Variants in DCAKD observed in about 807,000 individuals in gnomAD.
DCAKD encodes dephospho-CoA kinase domain containing.
DCAKD carries 15 observed loss-of-function variants against 18.7 expected under a neutral mutation model. The ratio of observed to expected loss-of-function variants is 0.80; its 90% CI spans 0.54 to 1.24. DCAKD has a LOEUF of 1.24. DCAKD is among the 50% of genes most tolerant of loss of function. The pLI is 0.00. For synonymous variants in DCAKD, 130 were observed against 133.0 expected (o/e 0.98, Z 0.16); for missense variants, 301 against 322.0 (o/e 0.93, Z 0.50).
At chr17:45,027,517 C>T (rs903935722) in intron 4 of DCAKD, among the ~76,000 whole-genome samples, 1 of 152,240 alleles carries the variant, frequency 6.6e-6, no homozygotes, top group Non-Finnish European at 1.5e-5. Flanking sequence ...AAGAGTTATA[C>T]ACCCACACCC....
At chr17:45,025,221 C>T (rs1393552396) in intron 4 of DCAKD, among the ~76,000 whole-genome samples, 1 of 152,044 alleles carries the variant, frequency 6.6e-6, no homozygotes, top group Non-Finnish European at 1.5e-5. Flanking sequence ...TCAAAAATAC[C>T]TCCTTGGGCC....
intron 3 of DCAKD, 165 bp downstream of exon 3, chr17:45,034,022 C>T (rs2053229615): frequency 6.3e-7 from 1 of 1,596,120 alleles, no homozygotes; most frequent in Non-Finnish European, 8.5e-7. Flanking sequence ...TGCTTCTTTC[C>T]TCTGGGGCTG....
intron 1 of DCAKD, among the ~76,000 whole-genome samples, chr17:45,039,732 C>T (rs568149927): frequency 1.3e-5 from 2 of 152,324 alleles, no homozygotes; most frequent in South Asian, 4.1e-4. Flanking sequence ...GTGCCAAGAA[C>T]GGTGCAGCTC....
chr17:45,059,806 T>C (rs1260214773), intron 1 of DCAKD, among the ~76,000 whole-genome samples: 1 of 152,150 alleles, frequency 6.6e-6, no homozygotes, highest in Non-Finnish European at 1.5e-5. Context: ...TTTTTTCATC[T>C]GTCAAAAAGG....
chr17:45,035,006 G>T lies in DCAKD; in HGVS notation c.-114-7C>A. ...AGAGGAGTGCCAGAAGGACCTGCTTGGGAGAGGCCAGCGGGACTGATCAGT... is the reference window on the plus strand; with the variant it reads ...AGAGGAGTGCCAGAAGGACCTGCTTTGGAGAGGCCAGCGGGACTGATCAGT... On this transcript the variant is annotated splice_region_variant and splice_polypyrimidine_tract_variant and intron_variant, in intron 1 of 4. Coordinates refer to ENST00000651974, the MANE Select transcript of DCAKD (RefSeq NM_001288655.2). 1.0e-6 allele frequency: 1 copy of T among 992,460 alleles called. No individual in the cohort carries two copies. Among genetic ancestry groups the T allele is most frequent in the South Asian group, 1.5e-5 (1 of 67,416 alleles). The allele number at this position is 992,460 out of a possible 1,614,324, so 61.5% of individuals were successfully genotyped here. A position where few individuals can be genotyped will look rare whatever the true frequency, so the allele number is the denominator to read the frequency against.
At chr17:45,044,571 A>C (rs2053519674) in intron 1 of DCAKD, among the ~76,000 whole-genome samples, 1 of 152,164 alleles carries the variant, frequency 6.6e-6, no homozygotes, top group African/African-American at 2.4e-5. Flanking sequence ...ACGTGCCTGT[A>C]GTCCCAGCTA....
At chr17:45,057,714 A>C (rs1423542464) in intron 1 of DCAKD, among the ~76,000 whole-genome samples, 6 of 150,472 alleles carry the variant, frequency 4.0e-5, no homozygotes, top group African/African-American at 7.3e-5. Flanking sequence ...AAAAAAAAAA[A>C]AAAACAGTAA....
chr17:45,028,714 T>C (rs1388062268), intron 4 of DCAKD, among the ~76,000 whole-genome samples: 4 of 125,894 alleles, frequency 3.2e-5, no homozygotes, highest in African/African-American at 9.2e-5. Flanking sequence ...CCAGCCTTTT[T>C]TTTGAGATGG....
chr17:45,055,179 C>T (rs987978830), upstream of DCAKD, among the ~76,000 whole-genome samples: 2 of 152,136 alleles, frequency 1.3e-5, no homozygotes, highest in African/African-American at 4.8e-5. Context: ...TTTGAGCTGG[C>T]TGTAGCTACT....
chr17:45,043,444 C>T (rs529116812), intron 1 of DCAKD, among the ~76,000 whole-genome samples: 1 of 152,280 alleles, frequency 6.6e-6, no homozygotes, highest in Admixed American at 6.5e-5. Context: ...CACTTGAACC[C>T]TGCAGGCTGG....
intron 1 of DCAKD, among the ~76,000 whole-genome samples, chr17:45,041,451 C>T (rs906257038): frequency 6.6e-6 from 1 of 152,094 alleles, no homozygotes; most frequent in African/African-American, 2.4e-5. Flanking sequence ...GCTGAGGCTA[C>T]AGGCGCCTGC....
chr17:45,028,148 G>A (rs1269087080), intron 4 of DCAKD, among the ~76,000 whole-genome samples: 2 of 146,078 alleles, frequency 1.4e-5, no homozygotes, highest in African/African-American at 5.1e-5. Context: ...TCGCTCTGTC[G>A]CCCAGGCTGG....
At chr17:45,038,250 T>C (rs1047128515) in intron 1 of DCAKD, among the ~76,000 whole-genome samples, 1 of 152,152 alleles carries the variant, frequency 6.6e-6, no homozygotes, top group African/African-American at 2.4e-5. Flanking sequence ...CTGATTTTTT[T>C]GTATTTTTAG....
intron 1 of DCAKD, among the ~76,000 whole-genome samples, chr17:45,058,201 G>A (rs1270949253): frequency 6.6e-6 from 1 of 151,922 alleles, no homozygotes; most frequent in East Asian, 1.9e-4. Flanking sequence ...TGTAGTCCCA[G>A]CTACCGGGGA....
intron 1 of DCAKD, among the ~76,000 whole-genome samples, chr17:45,043,937 C>T (rs1425966770): frequency 1.3e-5 from 2 of 152,026 alleles, no homozygotes; most frequent in African/African-American, 4.8e-5. Context: ...CACAAGGAGC[C>T]CCCGGTGCAT....
At chr17:45,051,085 G>A (rs1318846842) in intron 1 of DCAKD, among the ~76,000 whole-genome samples, 1 of 152,202 alleles carries the variant, frequency 6.6e-6, no homozygotes, top group Non-Finnish European at 1.5e-5. Flanking sequence ...AGATACTGTA[G>A]CTTTATTCCC....
chr17:45,025,953 C>T (rs1238054354), intron 4 of DCAKD, among the ~76,000 whole-genome samples: 3 of 150,166 alleles, frequency 2.0e-5, no homozygotes, highest in African/African-American at 4.9e-5. Context: ...GACGGAGTCT[C>T]GCTTGCCCAG....
At chr17:45,054,051 C>T (rs777859779), upstream of DCAKD, 4 of 517,176 alleles carry the variant, frequency 7.7e-6, no homozygotes, top group Admixed American at 7.8e-5. Flanking sequence ...TCACCTGAGT[C>T]CCTGAAAGCT....
chr17:45,050,224 G>C (rs2052672710), intron 1 of DCAKD, among the ~76,000 whole-genome samples: 1 of 151,192 alleles, frequency 6.6e-6, no homozygotes, highest in Non-Finnish European at 1.5e-5. Context: ...TGCATTTTTA[G>C]TTGACACGGG....
Sources: allele counts gnomAD v4.1 joint callset (sites outside exome capture counted in the v4.1 genomes callset), GRCh38; gene constraint gnomAD v4.1.1; transcripts MANE v1.5; gene names NCBI Gene and HGNC (gene_info 2026-07-23, HGNC 2026-07-21).